SLMAP: variants seen among roughly 807,000 people sequenced by gnomAD.
The protein encoded by SLMAP is sarcolemmal membrane-associated protein.
Under a neutral mutation model 128.8 loss-of-function variants are expected in SLMAP, and 44 were observed. The ratio of observed to expected loss-of-function variants is 0.34; its 90% CI spans 0.27 to 0.44. The LOEUF is 0.44. SLMAP is among the 20% of genes least tolerant of loss of function. SLMAP has a pLI of 1.00. For missense variants in SLMAP, 787 were observed against 985.3 expected (o/e 0.80, Z 2.69); for synonymous variants, 327 against 348.8 (o/e 0.94, Z 0.70).
chr3:57,779,160 TAAA>T (rs560272701), intron 2 of SLMAP, among the ~76,000 whole-genome samples: 117 of 152,210 alleles, frequency 7.7e-4, no homozygotes, highest in African/African-American at 2.7e-3. Flanking sequence ...AAATGTTGAA[TAAA>T]AAGAGCAAGG....
At chr3:57,843,565 CA>C (rs1287639403) in intron 4 of SLMAP, among the ~76,000 whole-genome samples, 1 of 151,500 alleles carries the variant, frequency 6.6e-6, no homozygotes, top group African/African-American at 2.4e-5. Context: ...CTTGGTCTCC[CA>C]AAGTGCTGGG....
intron 13 of SLMAP, among the ~76,000 whole-genome samples, chr3:57,871,263 G>A (rs1476104636): frequency 6.6e-6 from 1 of 152,120 alleles, no homozygotes; most frequent in Non-Finnish European, 1.5e-5. Flanking sequence ...GCTTTGAAGA[G>A]GGAGTATGAT....
intron 2 of SLMAP, among the ~76,000 whole-genome samples, chr3:57,822,060 T>C (rs2092570937): frequency 6.6e-6 from 1 of 152,164 alleles, no homozygotes; most frequent in African/African-American, 2.4e-5. Flanking sequence ...TAATTCATCC[T>C]GTCTTAATTT....
intron 22 of SLMAP, among the ~76,000 whole-genome samples, chr3:57,921,118 C>T (rs2096909351): frequency 6.6e-6 from 1 of 151,982 alleles, no homozygotes; most frequent in African/African-American, 2.4e-5. Context: ...GCCCAGTTTG[C>T]GTGTAAGATG....
At chr3:57,785,933 C>T (rs930841676) in intron 2 of SLMAP, among the ~76,000 whole-genome samples, 1 of 152,122 alleles carries the variant, frequency 6.6e-6, no homozygotes, top group African/African-American at 2.4e-5. Flanking sequence ...TTTCAGCAAA[C>T]ATTTATCAGT....
chr3:57,808,144 T>C (rs1271463157), intron 2 of SLMAP, among the ~76,000 whole-genome samples: 2 of 152,136 alleles, frequency 1.3e-5, no homozygotes, highest in Admixed American at 6.5e-5. Flanking sequence ...GTCTATTCTC[T>C]CTTTTCTTCT....
At chr3:57,772,892 G>A (rs1258535485) in intron 2 of SLMAP, among the ~76,000 whole-genome samples, 3 of 151,890 alleles carry the variant, frequency 2.0e-5, no homozygotes, top group Admixed American at 1.3e-4. Context: ...CGCCCGCCTC[G>A]GCCTCCCAAA....
At position 57,907,887 on chromosome 3, in the gene SLMAP, A is replaced by T; in HGVS notation, c.1505A>T (p.Asp502Val). The T allele has an allele frequency of 3.1e-6, 5 of 1,612,900 alleles. No individual in the cohort carries two copies. The highest frequency in any genetic ancestry group is 4.2e-6 in the Non-Finnish European group (5 of 1,179,492). Reference sequence around the variant, plus strand: ...AAAATAAACATGTTTTTGTCAGATGACTTGCAGGGTGCACAGTCAGAAATT... The same window carrying T: ...AAAATAAACATGTTTTTGTCAGATGTCTTGCAGGGTGCACAGTCAGAAATT... ...PLAKVSLLKD[D>V]LQGAQSEIEA... The change falls in exon 18 of 25, where the codon GAC becomes GTC. Residue 502 changes from aspartate to valine, a missense_variant. Physicochemically the swap from Asp to Val is radical, Grantham distance 152. Around this residue, in one of 2 missense-constraint regions of SLMAP, gnomAD observed 715 missense variants for 843.6 expected, o/e 0.85. Transcript: ENST00000671191.
chr3:57,885,423 GT>G (rs71091314), intron 14 of SLMAP, among the ~76,000 whole-genome samples: 78,237 of 135,014 alleles, frequency 0.58, 22,728 homozygotes, highest in East Asian at 0.96. Flanking sequence ...TTGTTTTTGT[GT>G]TTTTTTTTTT....
intron 2 of SLMAP, among the ~76,000 whole-genome samples, chr3:57,825,495 G>GTTT (rs1181833287): frequency 8.3e-6 from 1 of 120,548 alleles, no homozygotes; most frequent in Non-Finnish European, 1.8e-5. Context: ...ATGATTGTGT[G>GTTT]TTTTCTTTTT....
At chr3:57,804,674 G>A (rs2089415469) in intron 2 of SLMAP, among the ~76,000 whole-genome samples, 1 of 152,186 alleles carries the variant, frequency 6.6e-6, no homozygotes, top group Non-Finnish European at 1.5e-5. Flanking sequence ...GTGTCTGGGA[G>A]GTCGAGGCTG....
intron 14 of SLMAP, among the ~76,000 whole-genome samples, chr3:57,887,287 T>C (rs1575751916): frequency 6.6e-6 from 1 of 150,448 alleles, no homozygotes; most frequent in African/African-American, 2.4e-5. Flanking sequence ...TGAAGTGCAA[T>C]GGTGTCATCT....
At chr3:57,819,505 T>C (rs1446160076) in intron 2 of SLMAP, among the ~76,000 whole-genome samples, 1 of 152,186 alleles carries the variant, frequency 6.6e-6, no homozygotes, top group Non-Finnish European at 1.5e-5. Context: ...ATAAGATGCA[T>C]AGTCCTATGA....
chr3:57,806,685 C>T (rs1250691154), intron 2 of SLMAP, among the ~76,000 whole-genome samples: 2 of 152,122 alleles, frequency 1.3e-5, no homozygotes, highest in African/African-American at 4.8e-5. Flanking sequence ...AGTGATCCAC[C>T]TACCTCGGCC....
chr3:57,757,900 CT>C (rs766967576), intron 2 of SLMAP, 51 bp downstream of exon 2: 3 of 1,544,498 alleles, frequency 1.9e-6, no homozygotes, highest in South Asian at 1.1e-5. Flanking sequence ...TTTTTTTCCC[CT>C]TTTGCCCTCC....
At chr3:57,820,090 A>G (rs2092362285) in intron 2 of SLMAP, among the ~76,000 whole-genome samples, 1 of 152,060 alleles carries the variant, frequency 6.6e-6, no homozygotes, top group African/African-American at 2.4e-5. Flanking sequence ...GTGGTGGTGC[A>G]ATTATTTTGT....
intron 7 of SLMAP, 45 bp from the exon 8 acceptor site, chr3:57,858,043 T>A (rs748236044): frequency 8.0e-7 from 1 of 1,255,846 alleles, no homozygotes. Context: ...ACATGTGACT[T>A]TATAATTACT....
chr3:57,839,405 C>A (rs2093806065), intron 3 of SLMAP, among the ~76,000 whole-genome samples: 1 of 147,524 alleles, frequency 6.8e-6, no homozygotes, highest in Non-Finnish European at 1.5e-5. Context: ...TCGGCCTGAT[C>A]ATTTAATATC....
At chr3:57,926,837 G>A (rs771450099) in intron 24 of SLMAP, among the ~76,000 whole-genome samples, 1 of 152,150 alleles carries the variant, frequency 6.6e-6, no homozygotes, top group Non-Finnish European at 1.5e-5. Context: ...CCAAAGCCTA[G>A]ACCATTATCA....
Sources: gnomAD v4.1 joint callset for allele counts (sites outside exome capture counted in the v4.1 genomes callset) on GRCh38, gnomAD v4.1.1 for gene constraint, gnomAD v4.1.1 regional missense constraint, MANE v1.5 for transcripts, NCBI Gene and HGNC (gene_info 2026-07-23, HGNC 2026-07-21) for gene names.